The following DNAJC15 variants were observed in gnomAD, a reference collection of about 807,000 sequenced individuals.
DNAJC15 encodes DnaJ heat shock protein family (Hsp40) member C15.
In DNAJC15, 27 loss-of-function variants were observed where a neutral mutation model predicts 22.4. The observed-to-expected ratio is 1.20, with a 90% CI of 0.89 to 1.66. The LOEUF is 1.66. Among genes scored for constraint, DNAJC15 ranks in the 40% most tolerant of loss-of-function variants. The pLI, the probability that DNAJC15 is intolerant of heterozygous loss-of-function variation, is 0.00. For synonymous variants in DNAJC15, 79 were observed against 63.2 expected (o/e 1.25, Z -1.19); for missense variants, 208 against 187.1 (o/e 1.11, Z -0.65).
intron 1 of DNAJC15, among the ~76,000 whole-genome samples, chr13:43,062,081 G>A (rs1266497008): frequency 6.6e-6 from 1 of 152,050 alleles, no homozygotes; most frequent in Non-Finnish European, 1.5e-5. Flanking sequence ...TTTGAAGATA[G>A]TTTATTGAAG....
Position 43,093,472 on chromosome 13 carries a change from G to A in DNAJC15, c.382+7634G>A, listed in dbSNP as rs558607476. ...ATTGCCCAGGCTAGAGTGCAGTGGT[G>A]TGATCACAGCTCACTTCAGCCTCGG... On this transcript the variant is annotated intron_variant, in intron 5 of 5. Transcript: ENST00000379221. Among the ~76,000 whole-genome samples, 9 of 152,276 alleles carry A rather than the reference G, an allele frequency of 5.9e-5. No individual in the cohort carries two copies. The South Asian group carries it at 1.4e-3, about 25-fold the overall frequency.
At chr13:43,094,523 A>G (rs1286520706) in intron 5 of DNAJC15, among the ~76,000 whole-genome samples, 2 of 152,180 alleles carry the variant, frequency 1.3e-5, no homozygotes, top group Non-Finnish European at 2.9e-5. Context: ...TGGGGTCCCT[A>G]TGCGTGGCAG....
intron 1 of DNAJC15, among the ~76,000 whole-genome samples, chr13:43,056,528 C>T (rs982419239): frequency 8.5e-5 from 13 of 152,158 alleles, no homozygotes; most frequent in Admixed American, 3.3e-4. Context: ...CTATAAATAT[C>T]TGTTAATTCC....
chr13:43,059,262 CATT>C (rs1423089875), intron 1 of DNAJC15, among the ~76,000 whole-genome samples: 2 of 152,036 alleles, frequency 1.3e-5, no homozygotes, highest in African/African-American at 2.4e-5. Context: ...GTTTTTATTA[CATT>C]ATTATTGAAT....
intron 1 of DNAJC15, among the ~76,000 whole-genome samples, chr13:43,034,771 T>C (rs1175036528): frequency 6.6e-6 from 1 of 152,216 alleles, no homozygotes; most frequent in Non-Finnish European, 1.5e-5. Context: ...TTGACTCTTG[T>C]GTACCTTTGA....
In DNAJC15 at chr13:43,023,586, A is replaced by AGT; in HGVS notation, c.-40_-39dup. ...TAGTTTGTCCCTACGGCCGCCTCGT[A>AGT]GTCACTGCCGCGGCGCCTTGAGTCT... On this transcript the variant is annotated 5_prime_UTR_variant, in exon 1 of 6. Coordinates refer to ENST00000379221, the MANE Select transcript of DNAJC15 (RefSeq NM_013238.3). 6.4e-7 allele frequency: 1 copy of AGT among 1,555,766 alleles called. No individual in the cohort carries two copies. The highest frequency in any genetic ancestry group is 1.1e-5 in the South Asian group (1 of 87,054).
At chr13:43,078,710 T>C in intron 4 of DNAJC15, 22 bp downstream of exon 4, 1 of 1,602,156 alleles carries the variant, frequency 6.2e-7, no homozygotes, top group Non-Finnish European at 8.5e-7. Flanking sequence ...GCATAAGTAT[T>C]GTTTTGTTGT....
At chr13:43,083,850 C>T (rs1018513269) in intron 4 of DNAJC15, among the ~76,000 whole-genome samples, 2 of 152,134 alleles carry the variant, frequency 1.3e-5, no homozygotes, top group Non-Finnish European at 2.9e-5. Context: ...TAGAATGCTG[C>T]TTCAAAGACA....
intron 5 of DNAJC15, among the ~76,000 whole-genome samples, chr13:43,089,331 T>G (rs2040703668): frequency 6.6e-6 from 1 of 152,222 alleles, no homozygotes; most frequent in Non-Finnish European, 1.5e-5. Flanking sequence ...CGTGGGATCA[T>G]GCATTCTAAT....
intron 1 of DNAJC15, among the ~76,000 whole-genome samples, chr13:43,059,510 G>T (rs915567764): frequency 6.6e-6 from 1 of 152,152 alleles, no homozygotes; most frequent in African/African-American, 2.4e-5. Context: ...GATTACGGGC[G>T]TGCGCCACCA....
At position 43,054,998 on chromosome 13, in the gene DNAJC15, C is replaced by T. The variant is rs796931353; in HGVS notation, c.109-10688C>T. On this transcript the variant is annotated intron_variant, in intron 1 of 5. Transcript: ENST00000379221. ...AATCACCAAACTTCACAATGGGCCC[C>T]AGTAAAAACAGTGGGCCTTAATAAG... is the stretch of plus-strand genomic sequence containing the variant. Among the ~76,000 whole-genome samples the T allele has an allele frequency of 3.5e-4, 52 of 149,372 alleles. 2 individuals carry two copies. Among genetic ancestry groups the T allele is most frequent in the African/African-American group, 1.2e-3 (50 of 40,466 alleles).
intron 5 of DNAJC15, among the ~76,000 whole-genome samples, chr13:43,105,151 A>G (rs566046859): frequency 8.5e-5 from 13 of 152,068 alleles, no homozygotes; most frequent in African/African-American, 3.1e-4. Flanking sequence ...GGCCTACAAG[A>G]ATCATTCCTA....
rs569575804 is a variant in DNAJC15, at chr13:43,102,754, TTTTG to T, written c.383-4416_383-4413del. Reference sequence around the variant, plus strand: ...TCTAGTCTGATTTGATAAGTGAGTATTTTGTTTGTTTTGCACCTGTGCTCATGAG... The same window carrying T: ...TCTAGTCTGATTTGATAAGTGAGTATTTTGTTTTGCACCTGTGCTCATGAG... On this transcript the variant is annotated intron_variant, in intron 5 of 5. Coordinates refer to ENST00000379221, the MANE Select transcript of DNAJC15 (RefSeq NM_013238.3). Among the ~76,000 whole-genome samples the T allele has an allele frequency of 1.2e-4, 18 of 152,254 alleles. No individual in the cohort carries two copies. In the East Asian group the frequency reaches 3.5e-3, roughly 29 times the overall value.
rs1176335268 is a variant in DNAJC15, at chr13:43,112,594, ATAT to A, written c.*5349_*5351del. The A allele has an allele frequency of 1.3e-5, 2 of 152,254 alleles. No individual in the cohort carries two copies. The highest frequency in any genetic ancestry group is 4.8e-5 in the African/African-American group (2 of 41,476). 9.4% of individuals were successfully genotyped at this position (152,254 alleles called of 1,614,324 possible). ...GTTCATTTTAAGAAAAGCATTAATA[ATAT>A]TAGCTAACGTTTAGTACCTGTGCCA... On this transcript the variant is annotated 3_prime_UTR_variant, in exon 6 of 6. Transcript: ENST00000379221.
At chr13:43,067,687 T>A (rs2040590336) in intron 2 of DNAJC15, among the ~76,000 whole-genome samples, 1 of 152,174 alleles carries the variant, frequency 6.6e-6, no homozygotes, top group African/African-American at 2.4e-5. Flanking sequence ...TAGGAGAAAG[T>A]ACACTTAGAT....
chr13:43,084,815 C>A (rs1184360690), intron 4 of DNAJC15, among the ~76,000 whole-genome samples: 1 of 151,690 alleles, frequency 6.6e-6, no homozygotes, highest in Non-Finnish European at 1.5e-5. Context: ...AACAGCCAAG[C>A]TTTTCCCATG....
At chr13:43,030,401 AT>A (rs1195672578) in intron 1 of DNAJC15, among the ~76,000 whole-genome samples, 1 of 152,198 alleles carries the variant, frequency 6.6e-6, no homozygotes, top group Non-Finnish European at 1.5e-5. Flanking sequence ...TCTGGCACAC[AT>A]TTACCTGTGT....
chr13:43,070,479 A>G (rs1002471191), intron 3 of DNAJC15, among the ~76,000 whole-genome samples: 1 of 152,152 alleles, frequency 6.6e-6, no homozygotes, highest in Non-Finnish European at 1.5e-5. Context: ...GAAGTAAGAT[A>G]TATAATACCT....
At chr13:43,092,632 A>C (rs1203128565) in intron 5 of DNAJC15, among the ~76,000 whole-genome samples, 1 of 151,908 alleles carries the variant, frequency 6.6e-6, no homozygotes, top group Non-Finnish European at 1.5e-5. Flanking sequence ...TTCTTTAGTA[A>C]CTTGATAGAT....
Sources: gnomAD v4.1 joint callset for allele counts (sites outside exome capture counted in the v4.1 genomes callset) on GRCh38, gnomAD v4.1.1 for gene constraint, MANE v1.5 for transcripts, NCBI Gene and HGNC (gene_info 2026-07-23, HGNC 2026-07-21) for gene names.